Variants in USP3 observed in about 807,000 individuals in gnomAD.
USP3 encodes ubiquitin carboxyl-terminal hydrolase 3.
USP3 carries 20 observed loss-of-function variants against 72.3 expected under a neutral mutation model. The observed-to-expected ratio is 0.28, with a 90% CI of 0.19 to 0.40. USP3 has a LOEUF of 0.40. USP3 is among the 10% of genes least tolerant of loss of function. The pLI, the probability that USP3 is intolerant of heterozygous loss-of-function variation, is 1.00. For synonymous variants in USP3, 222 were observed against 225.3 expected (o/e 0.99, Z 0.13); for missense variants, 479 against 633.9 (o/e 0.76, Z 2.62).
Position 63,590,896 on chromosome 15 carries a change from A to G in USP3, c.*70A>G. On this transcript the variant is annotated 3_prime_UTR_variant, in exon 15 of 15. Coordinates refer to ENST00000380324, the MANE Select transcript of USP3 (RefSeq NM_006537.4). Reference sequence around the variant, plus strand: ...TTCCAGTTTTCCACAAATACTTGATACAAGATTTAATTTCATTATGCACTT... The same window carrying G: ...TTCCAGTTTTCCACAAATACTTGATGCAAGATTTAATTTCATTATGCACTT... 5 of 1,482,558 alleles carry G rather than the reference A, an allele frequency of 3.4e-6. No homozygotes were observed. The highest frequency in any genetic ancestry group is 4.5e-6 in the Non-Finnish European group (5 of 1,109,628). 91.8% of individuals were successfully genotyped at this position (1,482,558 alleles called of 1,614,324 possible).
At chr15:63,535,486 G>A (rs1411840737) in intron 2 of USP3, among the ~76,000 whole-genome samples, 2 of 152,194 alleles carry the variant, frequency 1.3e-5, no homozygotes, top group Non-Finnish European at 2.9e-5. Context: ...CAAGTACAGA[G>A]AGGTTAAATA....
intron 1 of USP3, among the ~76,000 whole-genome samples, chr15:63,523,200 T>C (rs1362591102): frequency 6.6e-6 from 1 of 152,208 alleles, no homozygotes; most frequent in East Asian, 1.9e-4. Context: ...TTTGAGGGAA[T>C]GGAACTGACA....
chr15:63,554,093 A>T (rs1358665361), intron 4 of USP3, among the ~76,000 whole-genome samples: 1 of 152,208 alleles, frequency 6.6e-6, no homozygotes, highest in Non-Finnish European at 1.5e-5. Flanking sequence ...TTTTGAGGGT[A>T]CAAGAAAAGG....
At chr15:63,555,450 C>T (rs190741968) in intron 4 of USP3, among the ~76,000 whole-genome samples, 1 of 151,692 alleles carries the variant, frequency 6.6e-6, no homozygotes, top group African/African-American at 2.4e-5. Context: ...AACTGAGACA[C>T]TGAATTTTAA....
chr15:63,560,196 G>C (rs1230454644), intron 7 of USP3, among the ~76,000 whole-genome samples: 1 of 152,084 alleles, frequency 6.6e-6, no homozygotes, highest in Non-Finnish European at 1.5e-5. Context: ...GAGGCGGGTG[G>C]ATCACCTGAG....
At chr15:63,558,454 C>T (rs979276353) in intron 6 of USP3, among the ~76,000 whole-genome samples, 3 of 152,106 alleles carry the variant, frequency 2.0e-5, no homozygotes, top group African/African-American at 7.2e-5. Flanking sequence ...TTTCCGGTTG[C>T]TTTTTGAATA....
intron 2 of USP3, 74 bp from the exon 3 acceptor site, chr15:63,536,951 T>C: frequency 6.9e-7 from 1 of 1,444,236 alleles, no homozygotes; most frequent in East Asian, 2.4e-5. Flanking sequence ...TGATTAATAT[T>C]TAATTTCATC....
At chr15:63,517,851 T>C (rs567092861) in intron 1 of USP3, among the ~76,000 whole-genome samples, 1 of 152,348 alleles carries the variant, frequency 6.6e-6, no homozygotes, top group East Asian at 1.9e-4. Context: ...TAGCTTCCTC[T>C]GCACTACTAA....
rs2066035667 is a variant in USP3, at chr15:63,529,489, T to C, written c.92-3158T>C. Among the ~76,000 whole-genome samples, 1 of 152,154 alleles carries C rather than the reference T, an allele frequency of 6.6e-6. No individual in the cohort carries two copies. Among genetic ancestry groups the C allele is most frequent in the Admixed American group, 6.5e-5 (1 of 15,276 alleles). ...GTTACTTCCCATTCTCTTGACCCCC[T>C]CAGTCTTAGAGTTTTTTGGTTTTTT... is the stretch of plus-strand genomic sequence containing the variant. On this transcript the variant is annotated intron_variant, in intron 1 of 14. Transcript: ENST00000380324. This position sits in a 1 kb window ranked among gnomAD's most constrained non-coding sequence, Gnocchi z 4.2.
At chr15:63,565,151 G>C (rs1437223403) in intron 8 of USP3, among the ~76,000 whole-genome samples, 1 of 152,132 alleles carries the variant, frequency 6.6e-6, no homozygotes, top group Non-Finnish European at 1.5e-5. Flanking sequence ...TGAGGACTCT[G>C]AAATACAAAC....
At chr15:63,504,893 G>A in intron 1 of USP3, 63 bp downstream of exon 1, 2 of 1,273,872 alleles carry the variant, frequency 1.6e-6, no homozygotes, top group Non-Finnish European at 2.0e-6. Context: ...CGGGCCTGCC[G>A]TCTAGGGGCC....
chr15:63,589,102 T>A, intron 14 of USP3, 91 bp downstream of exon 14: 7 of 1,427,702 alleles, frequency 4.9e-6, no homozygotes, highest in Non-Finnish European at 6.8e-6. Context: ...TAGTTCTTCC[T>A]AAAAAATGGA....
At chr15:63,518,869 C>A (rs2065883472) in intron 1 of USP3, among the ~76,000 whole-genome samples, 1 of 151,984 alleles carries the variant, frequency 6.6e-6, no homozygotes, top group Admixed American at 6.6e-5. Context: ...AGGTTCACAG[C>A]ATTCTCCTGC....
At chr15:63,558,320 T>C in intron 6 of USP3, 132 bp downstream of exon 6, 2 of 974,078 alleles carry the variant, frequency 2.1e-6, no homozygotes, top group Admixed American at 4.7e-5. Flanking sequence ...TGTGCTTTTG[T>C]TTCCTCATCA....
In USP3 at chr15:63,570,024, G is replaced by A. The variant is rs1053062851; in HGVS notation, c.762-409G>A. On this transcript the variant is annotated intron_variant, in intron 8 of 14. Coordinates refer to ENST00000380324, the MANE Select transcript of USP3 (RefSeq NM_006537.4). The surrounding 1 kb of genome is among the most constrained non-coding windows in gnomAD (Gnocchi z 4.4). The stretch of plus-strand genomic sequence containing the variant: ...TAGTGAGGGTAAGAGGTGAAGCTAT[G>A]ACATTGGAGCATCTTCTAGAGAGGT... Among the ~76,000 whole-genome samples, 3 of 152,160 alleles carry A rather than the reference G, an allele frequency of 2.0e-5. No homozygotes were observed. Among genetic ancestry groups the A allele is most frequent in the Admixed American group, 6.6e-5 (1 of 15,266 alleles).
rs781207813 is a variant in USP3 at position 63,559,938 on chromosome 15, A to C, written c.615A>C (p.Thr205=). Residue 205 remains threonine (T), a synonymous_variant, in exon 7 of 15, where the codon ACA becomes ACC. Transcript: ENST00000380324. ...ATGGGAAAACAGCAGGAAGGCGGAC[A>C]TACCACACCAGGAGCCAAGGGGATA... The part of the protein sequence containing the change: ...LRNGKTAGRR[T]YHTRSQGDNN... 7.4e-6 allele frequency: 12 copies of C among 1,614,026 alleles called. No homozygotes were observed. Among genetic ancestry groups the C allele is most frequent in the Non-Finnish European group, 9.3e-6 (11 of 1,179,984 alleles).
rs547668611 is a variant in USP3, at chr15:63,583,553, C to T, written c.1097-4752C>T. On this transcript the variant is annotated intron_variant, in intron 11 of 14. Coordinates refer to ENST00000380324, the MANE Select transcript of USP3 (RefSeq NM_006537.4). ...GTGTGTAATTCAGTGGCATTAAGCA[C>T]ACCCAAAATATTATACAACCATTAC... Among the ~76,000 whole-genome samples the T allele has an allele frequency of 5.3e-5, 8 of 152,274 alleles. No homozygotes were observed. The South Asian group carries it at 1.7e-3, about 32-fold the overall frequency.
chr15:63,563,057 C>A, intron 8 of USP3, 49 bp downstream of exon 8: 2 of 1,269,874 alleles, frequency 1.6e-6, no homozygotes, highest in Admixed American at 2.1e-5. Flanking sequence ...AGTGTTTATA[C>A]TGTTCCTGAA....
intron 9 of USP3, among the ~76,000 whole-genome samples, chr15:63,572,203 G>A (rs192558162): frequency 7.4e-4 from 112 of 152,234 alleles, no homozygotes; most frequent in African/African-American, 2.6e-3. Flanking sequence ...AAACATGTCA[G>A]GCAGCTAAAA....
Sources: gnomAD v4.1 joint callset for allele counts (sites outside exome capture counted in the v4.1 genomes callset) on GRCh38, gnomAD v4.1.1 for gene constraint, Gnocchi (gnomAD v3.1) non-coding constraint, MANE v1.5 for transcripts, NCBI Gene and HGNC (gene_info 2026-07-23, HGNC 2026-07-21) for gene names.